SURF4: variants seen among roughly 807,000 people sequenced by gnomAD.
The protein encoded by SURF4 is surfeit locus protein 4.
A neutral mutation model predicts 30.0 loss-of-function variants in SURF4; 3 were observed. The ratio of observed to expected loss-of-function variants is 0.10; its 90% CI spans 0.05 to 0.26. The LOEUF (loss-of-function observed/expected upper bound fraction) is 0.26. Ranked by LOEUF, SURF4 falls within the 10% of genes least tolerant of loss-of-function variation. SURF4 has a pLI of 1.00. For synonymous variants in SURF4, 143 were observed against 139.9 expected, an observed-to-expected ratio of 1.02 and a Z score of -0.16; for missense variants, 217 against 350.8, an observed-to-expected ratio of 0.62 and a Z score of 3.05.
At chr9:133,373,979 T>C (rs1837690224) in intron 1 of SURF4, among the ~76,000 whole-genome samples, 1 of 150,610 alleles carries the variant, frequency 6.6e-6, no homozygotes, top group Non-Finnish European at 1.5e-5. Flanking sequence ...CTTTTTTTTG[T>C]CAATAGGGGA....
intron 1 of SURF4, among the ~76,000 whole-genome samples, chr9:133,374,783 GA>G (rs1837766180): frequency 6.6e-6 from 1 of 152,064 alleles, no homozygotes; most frequent in African/African-American, 2.4e-5. Flanking sequence ...TAGCTGATCA[GA>G]AAACGGTCAC....
upstream of SURF4, chr9:133,376,671 C>T (rs1408922231): frequency 5.4e-6 from 5 of 924,288 alleles, no homozygotes; most frequent in Non-Finnish European, 7.9e-6. Flanking sequence ...GCGCCCTGGC[C>T]AGTGTCGGCC....
At chr9:133,377,382 T>C (rs1838006259), upstream of SURF4, among the ~76,000 whole-genome samples, 1 of 152,208 alleles carries the variant, frequency 6.6e-6, no homozygotes, top group African/African-American at 2.4e-5. Flanking sequence ...CAGCAGTCCC[T>C]GGCCGGGCTC....
intron 1 of SURF4, among the ~76,000 whole-genome samples, chr9:133,370,035 T>C (rs893017215): frequency 6.6e-6 from 1 of 152,126 alleles, no homozygotes; most frequent in African/African-American, 2.4e-5. Flanking sequence ...GCTTCTAAAA[T>C]GAGAGCTGTG....
rs2130097702 is a variant in SURF4, at chr9:133,363,982, G to A, written c.544-223C>T. On this transcript the variant is annotated intron_variant, in intron 5 of 5. Transcript: ENST00000371989. The surrounding 1 kb of genome is among the most constrained non-coding windows in gnomAD (Gnocchi z 4.3). Reference sequence around the variant, plus strand: ...TGTGGAAGGTTTGGGGAAGACTGAAGTTCCCAACTAGTAACAGGCTGTGAT... The same window carrying A: ...TGTGGAAGGTTTGGGGAAGACTGAAATTCCCAACTAGTAACAGGCTGTGAT... 5.2e-5 allele frequency: 37 copies of A among 713,624 alleles called. 1 individual carries two copies. In the East Asian group the frequency reaches 8.6e-4, roughly 17 times the overall value. 44.2% of individuals were successfully genotyped at this position (713,624 alleles called of 1,614,324 possible). A position where few individuals can be genotyped will look rare whatever the true frequency, so the allele number is the denominator to read the frequency against.
At chr9:133,375,363 A>G in intron 1 of SURF4, 1 of 985,792 alleles carries the variant, frequency 1.0e-6, no homozygotes, top group Non-Finnish European at 1.2e-6. Context: ...AGACAGGGTC[A>G]AAGGGACCCC....
intron 1 of SURF4, among the ~76,000 whole-genome samples, chr9:133,367,908 A>C (rs1201610626): frequency 1.3e-5 from 2 of 152,226 alleles, no homozygotes; most frequent in East Asian, 3.9e-4. Flanking sequence ...GCACCTCAGC[A>C]CTACTGGCAT....
At chr9:133,376,777 C>G (rs914810315), upstream of SURF4, among the ~76,000 whole-genome samples, 3 of 152,208 alleles carry the variant, frequency 2.0e-5, no homozygotes, top group South Asian at 2.1e-4. Context: ...ACTAAGGATT[C>G]TCCAGCCCTG....
At chr9:133,376,260 G>A, upstream of SURF4, 1 of 1,302,226 alleles carries the variant, frequency 7.7e-7, no homozygotes, top group South Asian at 2.4e-5. Context: ...TGGAGGCCCC[G>A]CCCGCCGCGC....
intron 4 of SURF4, among the ~76,000 whole-genome samples, chr9:133,365,378 G>A (rs2130116760): frequency 6.6e-5 from 10 of 152,134 alleles, no homozygotes; most frequent in Non-Finnish European, 8.8e-5. Flanking sequence ...CCCCACACCC[G>A]TGAAATAAGG....
At position 133,366,054 on chromosome 9, in the gene SURF4, T is replaced by C. The variant is rs1248521989; in HGVS notation, c.313-26A>G. ...CTGAGGGGAAAGAAGAGAGAGATACTTGAGTCTCAGCCTTTCCAAAGGCAT... is the reference window on the plus strand; with the variant it reads ...CTGAGGGGAAAGAAGAGAGAGATACCTGAGTCTCAGCCTTTCCAAAGGCAT... On this transcript the variant is annotated intron_variant, in intron 3 of 5. Coordinates refer to ENST00000371989, the MANE Select transcript of SURF4 (RefSeq NM_033161.4). The C allele has an allele frequency of 8.7e-6, 14 of 1,612,862 alleles. No homozygotes were observed. The Admixed American group carries it at 2.0e-4, about 23-fold the overall frequency.
In SURF4 at chr9:133,361,929, T is replaced by G. The variant is rs1564357791; in HGVS notation, c.*1564A>C. 1 of 152,256 alleles carries G rather than the reference T, an allele frequency of 6.6e-6. No individual in the cohort carries two copies. The highest frequency in any genetic ancestry group is 1.9e-4 in the East Asian group (1 of 5,202). 9.4% of individuals were successfully genotyped at this position (152,256 alleles called of 1,614,324 possible). ...GTTGAAACACTGAGACAAGCCAGTCTTCATGCAGTGAGCACTTGAATGATC... is the reference window on the plus strand; with the variant it reads ...GTTGAAACACTGAGACAAGCCAGTCGTCATGCAGTGAGCACTTGAATGATC... On this transcript the variant is annotated 3_prime_UTR_variant, in exon 6 of 6. Coordinates refer to ENST00000371989, the MANE Select transcript of SURF4 (RefSeq NM_033161.4).
intron 1 of SURF4, chr9:133,375,433 G>C (rs1254115228): frequency 1.0e-6 from 1 of 986,016 alleles, no homozygotes; most frequent in East Asian, 1.1e-4. Flanking sequence ...CCTGTAGCTG[G>C]GGCGCACGCC....
At chr9:133,373,909 CAAAAAAAAAAAAAAAAAA>C (rs71824689) in intron 1 of SURF4, among the ~76,000 whole-genome samples, 738 of 47,578 alleles carry the variant, frequency 0.016, 18 homozygotes, top group South Asian at 0.08. Context: ...AATTCTGTCT[CAAAAAAAAAAAAAAAAAA>C]AAAAAAAAGA....
intron 1 of SURF4, 200 bp from the exon 2 acceptor site, chr9:133,367,645 A>G (rs1254260917): frequency 2.0e-5 from 27 of 1,380,254 alleles, no homozygotes; most frequent in Non-Finnish European, 2.1e-5. Context: ...GTCTGGACAC[A>G]TGCAACAATC....
intron 1 of SURF4, among the ~76,000 whole-genome samples, chr9:133,370,157 G>A (rs2130177207): frequency 6.6e-6 from 1 of 152,330 alleles, no homozygotes; most frequent in Non-Finnish European, 1.5e-5. Flanking sequence ...CACAGCCCAC[G>A]AGATTGAGGC....
chr9:133,372,999 C>T (rs146016715), intron 1 of SURF4, among the ~76,000 whole-genome samples: 4 of 152,330 alleles, frequency 2.6e-5, no homozygotes, highest in Admixed American at 6.5e-5. Context: ...CATCTGACGG[C>T]GGCAGCCTGC....
In SURF4 at chr9:133,367,309, C is replaced by A; in HGVS notation, c.185G>T (p.Gly62Val). The A allele has an allele frequency of 6.2e-7, 1 of 1,614,256 alleles. No individual in the cohort carries two copies. The highest frequency in any genetic ancestry group is 8.5e-7 in the Non-Finnish European group (1 of 1,180,050). Residue 62 changes from glycine to valine, a missense_variant, in exon 2 of 6, where the codon GGC (glycine) becomes GTC (valine). By Grantham distance (109) the Gly-to-Val change is moderately radical (BLOSUM62 -3). Transcript: ENST00000371989. Reference protein sequence around the residue: ...RDYIDTTWNCGYLLASSFVFL... With the variant: ...RDYIDTTWNCVYLLASSFVFL... Reference sequence around the variant, plus strand: ...GACGAAGGACGAGGCCAGCAGGTAGCCGCAGTTCCAGGTGGTGTCGATGTA... The same window carrying A: ...GACGAAGGACGAGGCCAGCAGGTAGACGCAGTTCCAGGTGGTGTCGATGTA...
At chr9:133,365,088 C>A in intron 4 of SURF4, 62 bp from the exon 5 acceptor site, 1 of 1,426,806 alleles carries the variant, frequency 7.0e-7, no homozygotes, top group Non-Finnish European at 9.3e-7. Context: ...GTCTGTGAGA[C>A]CAGGTGCAGG....
Sources: gnomAD v4.1 joint callset for allele counts (sites outside exome capture counted in the v4.1 genomes callset) on GRCh38, gnomAD v4.1.1 for gene constraint, Gnocchi (gnomAD v3.1) non-coding constraint, MANE v1.5 for transcripts, NCBI Gene and HGNC (gene_info 2026-07-23, HGNC 2026-07-21) for gene names.